Variants in SOX5 observed in about 807,000 individuals in gnomAD.
The protein encoded by SOX5 is SRY-box transcription factor 5, also known as transcription factor SOX-5.
In SOX5, 9 loss-of-function variants were observed where a neutral mutation model predicts 92.0. That is an observed-to-expected ratio of 0.10 (90% CI 0.06 to 0.17). SOX5 has a LOEUF of 0.17. Ranked by LOEUF, SOX5 falls within the 10% of genes least tolerant of loss-of-function variation. The pLI is 1.00. For synonymous variants in SOX5, 344 were observed against 336.3 expected, an observed-to-expected ratio of 1.02 and a Z score of -0.25; for missense variants, 642 against 944.5, an observed-to-expected ratio of 0.68 and a Z score of 4.20.
At chr12:24,355,603 C>T (rs1464559067) in intron 2 of SOX5, among the ~76,000 whole-genome samples, 1 of 152,048 alleles carries the variant, frequency 6.6e-6, no homozygotes, top group Admixed American at 6.6e-5. Context: ...TTCCTTAGAT[C>T]ATTTTATAAG....
intron 3 of SOX5, among the ~76,000 whole-genome samples, chr12:24,267,561 C>G (rs16927377): frequency 0.043 from 6,478 of 152,198 alleles, 198 homozygotes; most frequent in African/African-American, 0.078. Flanking sequence ...CTTCCACTGA[C>G]ATGATAAATA....
At chr12:23,692,238 G>A (rs142182941) in intron 6 of SOX5, among the ~76,000 whole-genome samples, 60 of 151,886 alleles carry the variant, frequency 4.0e-4, no homozygotes, top group Middle Eastern at 3.4e-3. Context: ...TTAGAGACCA[G>A]CACGGCCAAC....
At chr12:24,502,020 C>A (rs910278796) in intron 1 of SOX5, among the ~76,000 whole-genome samples, 1 of 152,186 alleles carries the variant, frequency 6.6e-6, no homozygotes, top group African/African-American at 2.4e-5. Flanking sequence ...AAACACTCAG[C>A]CTGCAATGGG....
Position 24,256,181 on chromosome 12 carries a change from G to A in SOX5, c.-77+21035C>T, listed in dbSNP as rs552503962. On this transcript the variant is annotated intron_variant, in intron 3 of 4. Coordinates refer to the SOX5 transcript ENST00000446891. ...GATGTGTGGCAGATAAATGTAAGCAGACATTATATCTTTCATAATCAGTGC... is the reference window on the plus strand; with the variant it reads ...GATGTGTGGCAGATAAATGTAAGCAAACATTATATCTTTCATAATCAGTGC... 7.2e-5 allele frequency among the ~76,000 whole-genome samples: 11 copies of A among 152,328 alleles called. No homozygotes were observed. The South Asian group carries it at 2.1e-3, about 29-fold the overall frequency.
chr12:24,396,189 G>A (rs896525925), intron 1 of SOX5, among the ~76,000 whole-genome samples: 4 of 152,152 alleles, frequency 2.6e-5, no homozygotes, highest in Non-Finnish European at 2.9e-5. Context: ...ATTTTAAAAC[G>A]TATCAGGGAC....
chr12:23,846,444 C>G (rs952218756), intron 2 of SOX5, among the ~76,000 whole-genome samples: 68 of 152,238 alleles, frequency 4.5e-4, no homozygotes, highest in African/African-American at 1.6e-3. Context: ...TAGAGTAAGT[C>G]AAAGATCTAT....
At chr12:23,629,459 G>GT (rs1229790117) in intron 8 of SOX5, among the ~76,000 whole-genome samples, 1 of 152,020 alleles carries the variant, frequency 6.6e-6, no homozygotes, top group Non-Finnish European at 1.5e-5. Context: ...ACTATTTAGA[G>GT]TCTAAATTGC....
intron 3 of SOX5, among the ~76,000 whole-genome samples, chr12:23,794,190 G>A (rs140869345): frequency 6.6e-6 from 1 of 151,882 alleles, no homozygotes; most frequent in East Asian, 1.9e-4. Flanking sequence ...CTCTTTAATT[G>A]GTGTGCTGTT....
At chr12:23,975,658 T>C (rs1948816320) in intron 4 of SOX5, among the ~76,000 whole-genome samples, 1 of 152,222 alleles carries the variant, frequency 6.6e-6, no homozygotes. Context: ...AGCCACCTTC[T>C]GGGCCTCAGT....
At chr12:23,645,993 T>C (rs2080799996) in intron 7 of SOX5, among the ~76,000 whole-genome samples, 1 of 152,182 alleles carries the variant, frequency 6.6e-6, no homozygotes, top group Admixed American at 6.5e-5. Context: ...GAATTATGTC[T>C]AAAACATATA....
intron 9 of SOX5, among the ~76,000 whole-genome samples, chr12:23,595,373 A>G (rs1271380464): frequency 6.6e-6 from 1 of 152,144 alleles, no homozygotes; most frequent in Non-Finnish European, 1.5e-5. Context: ...CTGTAATCCC[A>G]GCACTTTGGG....
At chr12:24,210,010 T>C (rs1594289102) in intron 4 of SOX5, among the ~76,000 whole-genome samples, 1 of 77,658 alleles carries the variant, frequency 1.3e-5, no homozygotes, top group Admixed American at 2.4e-4. Context: ...AGAGCGAGAC[T>C]CCGTCTCAAA....
chr12:24,536,650 C>T (rs1477532971), intron 1 of SOX5, among the ~76,000 whole-genome samples: 1 of 152,174 alleles, frequency 6.6e-6, no homozygotes, highest in Non-Finnish European at 1.5e-5. Context: ...TCAGAAAAGT[C>T]TCAGAGCTCA....
At chr12:24,232,114 T>C (rs1223487601) in intron 3 of SOX5, among the ~76,000 whole-genome samples, 2 of 152,184 alleles carry the variant, frequency 1.3e-5, no homozygotes, top group African/African-American at 4.8e-5. Context: ...TTTTCTTTTT[T>C]TTCCCTGTCC....
chr12:24,152,828 C>A (rs1359247391), intron 4 of SOX5, among the ~76,000 whole-genome samples: 2 of 137,918 alleles, frequency 1.5e-5, no homozygotes, highest in Admixed American at 7.6e-5. Context: ...GGCTTTACTG[C>A]ACTTCAGCAC....
At chr12:24,424,042 A>G (rs536714398) in intron 1 of SOX5, among the ~76,000 whole-genome samples, 6 of 152,356 alleles carry the variant, frequency 3.9e-5, no homozygotes, top group Non-Finnish European at 7.3e-5. Flanking sequence ...TGGGTTCCAC[A>G]TAAAACTCAA....
intron 2 of SOX5, among the ~76,000 whole-genome samples, chr12:24,299,503 C>T (rs1052620270): frequency 6.6e-6 from 1 of 151,984 alleles, no homozygotes; most frequent in Non-Finnish European, 1.5e-5. Flanking sequence ...ATAACCTATC[C>T]AGGCAGGGAT....
chr12:24,023,996 T>C (rs1954604033), intron 4 of SOX5, among the ~76,000 whole-genome samples: 1 of 152,044 alleles, frequency 6.6e-6, no homozygotes. Context: ...AGAACCATGC[T>C]TTTGAAATCC....
intron 1 of SOX5, among the ~76,000 whole-genome samples, chr12:24,499,781 A>T (rs893129373): frequency 2.7e-5 from 4 of 150,728 alleles, no homozygotes; most frequent in Non-Finnish European, 2.9e-5. Flanking sequence ...TAAATAGAAA[A>T]CTCCCAAAAG....
Sources: gnomAD v4.1 joint callset for allele counts (sites outside exome capture counted in the v4.1 genomes callset) on GRCh38, gnomAD v4.1.1 for gene constraint, MANE v1.5 for transcripts, NCBI Gene and HGNC (gene_info 2026-07-23, HGNC 2026-07-21) for gene names.